Variants in LAMA2 observed in about 807,000 individuals in gnomAD.
LAMA2 encodes laminin subunit alpha-2.
A neutral mutation model predicts 364.8 loss-of-function variants in LAMA2; 269 were observed. That is an observed-to-expected ratio of 0.74 (90% CI 0.67 to 0.82). The LOEUF is 0.82. Among genes scored for constraint, LAMA2 ranks in the 40% least tolerant of loss-of-function variants. LAMA2 has a pLI of 0.00. For synonymous variants in LAMA2, 1,379 were observed against 1,370.6 expected (o/e 1.01, Z -0.14); for missense variants, 3,807 against 3,873.2 (o/e 0.98, Z 0.45).
chr6:129,506,975 A>G (rs1402117078), intron 61 of LAMA2, among the ~76,000 whole-genome samples: 2 of 152,034 alleles, frequency 1.3e-5, no homozygotes, highest in African/African-American at 4.8e-5. Flanking sequence ...GTTTCATGCA[A>G]ACTTTCAAGT....
chr6:128,929,166 T>C, intron 1 of LAMA2: 1 of 1,453,680 alleles, frequency 6.9e-7, no homozygotes, highest in Non-Finnish European at 9.7e-7. Context: ...GGCCGGTAGA[T>C]AAAATGAATG....
intron 31 of LAMA2, among the ~76,000 whole-genome samples, chr6:129,352,740 A>G (rs1359181668): frequency 6.6e-6 from 1 of 152,142 alleles, no homozygotes; most frequent in Admixed American, 6.5e-5. Flanking sequence ...CTGATTCTGT[A>G]TGGCACTCAA....
chr6:129,251,050 C>T (rs866091596), intron 13 of LAMA2, among the ~76,000 whole-genome samples: 50 of 64,184 alleles, frequency 7.8e-4, no homozygotes, highest in African/African-American at 2.5e-3. Context: ...TTCTCTCTCT[C>T]TCTCTCTCTC....
intron 12 of LAMA2, among the ~76,000 whole-genome samples, chr6:129,245,426 A>G (rs1785684681): frequency 6.6e-6 from 1 of 152,156 alleles, no homozygotes; most frequent in African/African-American, 2.4e-5. Context: ...TTGGCTGAAC[A>G]CACAGTGCTC....
chr6:128,970,533 A>G (rs1256383401), intron 1 of LAMA2, among the ~76,000 whole-genome samples: 1 of 152,232 alleles, frequency 6.6e-6, no homozygotes, highest in Non-Finnish European at 1.5e-5. Flanking sequence ...TCAAACGTTC[A>G]ACAGATATAA....
chr6:129,368,440 A>C (rs1777895559), intron 33 of LAMA2, among the ~76,000 whole-genome samples: 1 of 152,210 alleles, frequency 6.6e-6, no homozygotes, highest in Admixed American at 6.5e-5. Flanking sequence ...AGGCAGAGGA[A>C]CCTGAGTTTA....
chr6:128,892,256 C>T (rs1776497319), intron 1 of LAMA2, among the ~76,000 whole-genome samples: 1 of 151,908 alleles, frequency 6.6e-6, no homozygotes, highest in Non-Finnish European at 1.5e-5. Flanking sequence ...GGTTACACAG[C>T]AAGTCAGTAA....
At chr6:129,310,025 G>A (rs902768768) in intron 22 of LAMA2, among the ~76,000 whole-genome samples, 8 of 149,680 alleles carry the variant, frequency 5.3e-5, no homozygotes, top group East Asian at 4.0e-4. Context: ...TCAGCCTCCC[G>A]AGTAGCTGGG....
chr6:129,337,023 T>G (rs1213837230), intron 29 of LAMA2, among the ~76,000 whole-genome samples: 4 of 152,208 alleles, frequency 2.6e-5, no homozygotes, highest in Non-Finnish European at 5.9e-5. Context: ...GTAAGCTCAC[T>G]TGTTTGTTCA....
chr6:129,395,811 A>G (rs1779582487), intron 37 of LAMA2, among the ~76,000 whole-genome samples: 1 of 152,244 alleles, frequency 6.6e-6, no homozygotes, highest in Admixed American at 6.5e-5. Flanking sequence ...GAATAAAGAG[A>G]AGAACATTTC....
chr6:128,964,310 G>A (rs1781714044), intron 1 of LAMA2, among the ~76,000 whole-genome samples: 1 of 152,038 alleles, frequency 6.6e-6, no homozygotes, highest in Non-Finnish European at 1.5e-5. Context: ...TTCTTATGAA[G>A]GCAGCATTTT....
At chr6:128,997,430 A>C (rs756700950) in intron 1 of LAMA2, among the ~76,000 whole-genome samples, 149 of 152,174 alleles carry the variant, frequency 9.8e-4, no homozygotes, top group Non-Finnish European at 1.7e-3. Flanking sequence ...ACTAGAGTGA[A>C]GTAAGAGAGG....
At chr6:129,470,250 A>G (rs1196487840) in intron 51 of LAMA2, among the ~76,000 whole-genome samples, 1 of 151,844 alleles carries the variant, frequency 6.6e-6, no homozygotes, top group Non-Finnish European at 1.5e-5. Context: ...AACAAAAAAA[A>G]GTAAGTTAAG....
Position 129,366,363 on chromosome 6 carries a change from T to C in LAMA2, c.4860+2T>C, listed in dbSNP as rs2114620232. 6.2e-7 allele frequency: 1 copy of C among 1,613,256 alleles called. No homozygotes were observed. The highest frequency in any genetic ancestry group is 8.5e-7 in the Non-Finnish European group (1 of 1,179,884). On this transcript the variant is annotated splice_donor_variant, in intron 33 of 64. Coordinates refer to ENST00000421865, the MANE Select transcript of LAMA2 (RefSeq NM_000426.4). LOFTEE classifies it high-confidence loss of function. ...GAAAATATGACTCAGGAGCTAAAGG[T>C]AGGTTGGTGCAGTCACAAGCAAGGG...
chr6:129,419,903 C>A lies in LAMA2; in HGVS notation c.5866-7849C>A, dbSNP rs1345789204. Among the ~76,000 whole-genome samples, 3 of 151,970 alleles carry A rather than the reference C, an allele frequency of 2.0e-5. No individual in the cohort carries two copies. In the East Asian group the frequency reaches 5.8e-4, roughly 29 times the overall value. ...TTTACTCATTATTTAATTTTAATAACCTATAGTACTTAAAAATGTACAGTA... is the reference window on the plus strand; with the variant it reads ...TTTACTCATTATTTAATTTTAATAAACTATAGTACTTAAAAATGTACAGTA... On this transcript the variant is annotated intron_variant, in intron 40 of 64. Coordinates refer to ENST00000421865, the MANE Select transcript of LAMA2 (RefSeq NM_000426.4).
chr6:129,276,263 AG>A (rs1388837095), intron 17 of LAMA2, among the ~76,000 whole-genome samples: 1 of 152,148 alleles, frequency 6.6e-6, no homozygotes, highest in Non-Finnish European at 1.5e-5. Context: ...ATTAGTTGAA[AG>A]GAGTCCTGAT....
intron 53 of LAMA2, among the ~76,000 whole-genome samples, chr6:129,478,070 A>T (rs1188731192): frequency 2.6e-5 from 4 of 152,222 alleles, no homozygotes; most frequent in Non-Finnish European, 5.9e-5. Flanking sequence ...CAGGGATTAC[A>T]GGAATGAGCC....
chr6:129,444,542 A>G (rs1449910526), intron 44 of LAMA2, among the ~76,000 whole-genome samples: 1 of 152,222 alleles, frequency 6.6e-6, no homozygotes, highest in Non-Finnish European at 1.5e-5. Context: ...TTGATATAGC[A>G]AATCTATTAG....
intron 12 of LAMA2, among the ~76,000 whole-genome samples, chr6:129,218,487 A>G (rs1051669961): frequency 2.6e-5 from 4 of 152,192 alleles, no homozygotes; most frequent in Non-Finnish European, 5.9e-5. Context: ...TGAGGGGAAA[A>G]TGTAAATTAG....
Sources: allele counts gnomAD v4.1 joint callset (sites outside exome capture counted in the v4.1 genomes callset), GRCh38; gene constraint gnomAD v4.1.1; transcripts MANE v1.5; gene names NCBI Gene and HGNC (gene_info 2026-07-23, HGNC 2026-07-21).